The following NXPE1 variants were observed in gnomAD, a reference collection of about 807,000 sequenced individuals.
NXPE1 encodes neurexophilin and PC-esterase domain family member 1, also known as NXPE family member 1.
A neutral mutation model predicts 33.3 loss-of-function variants in NXPE1; 31 were observed. The observed-to-expected ratio is 0.93, with a 90% CI of 0.70 to 1.26. The LOEUF is 1.26. Ranked by LOEUF, NXPE1 falls within the 50% of genes most tolerant of loss-of-function variation. The pLI is 0.00. For synonymous variants in NXPE1, 229 were observed against 231.4 expected, an observed-to-expected ratio of 0.99 and a Z score of 0.09; for missense variants, 661 against 655.6, an observed-to-expected ratio of 1.01 and a Z score of -0.09.
intron 5 of NXPE1, among the ~76,000 whole-genome samples, chr11:114,532,169 A>T (rs1218257791): frequency 1.3e-5 from 2 of 152,236 alleles, no homozygotes; most frequent in Admixed American, 1.3e-4. Flanking sequence ...TGTGATTGGT[A>T]ACAAACTGGC....
At chr11:114,551,483 C>A in intron 3 of NXPE1, 42 bp from the exon 4 acceptor site, 1 of 999,826 alleles carries the variant, frequency 1.0e-6, no homozygotes. Flanking sequence ...TCTCTTAATG[C>A]CCTCTGTATT....
chr11:114,537,615 C>T (rs1048319129), intron 5 of NXPE1, among the ~76,000 whole-genome samples: 9 of 152,274 alleles, frequency 5.9e-5, no homozygotes, highest in Admixed American at 2.6e-4. Context: ...GCAAAAATCA[C>T]GAGCATTCTT....
chr11:114,552,610 C>T (rs923332102), intron 2 of NXPE1, among the ~76,000 whole-genome samples: 2 of 151,958 alleles, frequency 1.3e-5, no homozygotes, highest in African/African-American at 4.8e-5. Context: ...CAAGGGGCTA[C>T]TCTGACCCCT....
At chr11:114,557,378 C>T (rs1948675746) in intron 1 of NXPE1, among the ~76,000 whole-genome samples, 1 of 151,744 alleles carries the variant, frequency 6.6e-6, no homozygotes, top group Non-Finnish European at 1.5e-5. Context: ...AAATGAGGGA[C>T]CTTAGAAAAC....
At chr11:114,530,187 C>G in exon 6 of NXPE1, 1 of 1,604,842 alleles carries the variant, frequency 6.2e-7, no homozygotes, top group Non-Finnish European at 8.5e-7. Flanking sequence ...GTGGAAAAGG[C>G]TGTTTTCCTT....
At chr11:114,556,699 AT>A (rs914211566) in intron 1 of NXPE1, among the ~76,000 whole-genome samples, 3 of 151,480 alleles carry the variant, frequency 2.0e-5, no homozygotes, top group African/African-American at 7.3e-5. Flanking sequence ...TTTAAAATGT[AT>A]TTTTTTCCAG....
intron 5 of NXPE1, among the ~76,000 whole-genome samples, chr11:114,532,788 A>G (rs1446727720): frequency 1.3e-5 from 2 of 152,140 alleles, no homozygotes; most frequent in East Asian, 3.8e-4. Context: ...GTGTGTGTGC[A>G]TTTGTCATGG....
chr11:114,530,377 T>G (rs1947534701), exon 6 of NXPE1: 1 of 1,614,076 alleles, frequency 6.2e-7, no homozygotes, highest in Non-Finnish European at 8.5e-7. Context: ...GAGGTGCCAT[T>G]AACAAATTTG....
chr11:114,544,498 T>C (rs563837853), intron 5 of NXPE1, among the ~76,000 whole-genome samples: 1 of 152,244 alleles, frequency 6.6e-6, no homozygotes, highest in Non-Finnish European at 1.5e-5. Flanking sequence ...TTTCAGCAAA[T>C]AGTGCTGGAA....
intron 5 of NXPE1, among the ~76,000 whole-genome samples, chr11:114,531,664 A>T (rs1222334005): frequency 6.6e-6 from 1 of 152,070 alleles, no homozygotes; most frequent in African/African-American, 2.4e-5. Context: ...TGATGTCTTG[A>T]CAAGACTTCT....
In NXPE1 at chr11:114,530,408, A is replaced by G. The variant is rs1354960971; in HGVS notation, c.600T>C (p.Tyr200=). Residue 200 remains tyrosine, a synonymous_variant, in exon 6 of 9, where the codon TAT becomes TAC. Coordinates refer to ENST00000534921, the Ensembl canonical transcript of NXPE1. ...ATTTGCCTTTGAAAATAATTTTATC[A>G]TAGCCTTGGTTCCTTGCCCTCCAGA... 4 of 1,614,102 alleles carry G rather than the reference A, an allele frequency of 2.5e-6. No individual in the cohort carries two copies. In the African/African-American group the frequency reaches 4.0e-5, roughly 16 times the overall value.
rs570240387 is a variant in NXPE1, at chr11:114,535,237, A to T, written c.100-4329T>A. The stretch of plus-strand genomic sequence containing the variant: ...TTTACAGACAAGCAAATGCTGAGAG[A>T]TTTTGTCACCACCAGGCCTGCCCTA... On this transcript the variant is annotated intron_variant, in intron 5 of 8. Coordinates refer to ENST00000534921, the Ensembl canonical transcript of NXPE1. Among the ~76,000 whole-genome samples, 835 of 152,308 alleles carry T rather than the reference A, an allele frequency of 5.5e-3. 10 individuals carry two copies. Among genetic ancestry groups the T allele is most frequent in the African/African-American group, 0.018 (758 of 41,558 alleles).
At chr11:114,549,759 A>G (rs1948409644) in intron 5 of NXPE1, among the ~76,000 whole-genome samples, 1 of 152,112 alleles carries the variant, frequency 6.6e-6, no homozygotes, top group Non-Finnish European at 1.5e-5. Flanking sequence ...GCAATTCGAG[A>G]CACTGGAATT....
intron 6 of NXPE1, chr11:114,529,578 A>T (rs1947499294): frequency 6.6e-6 from 1 of 152,634 alleles, no homozygotes; most frequent in South Asian, 2.1e-4. Context: ...TGCAGGAATC[A>T]CTAGGTCACA....
downstream of NXPE1, among the ~76,000 whole-genome samples, chr11:114,521,421 G>T (rs930297769): frequency 1.3e-5 from 2 of 152,126 alleles, no homozygotes; most frequent in Admixed American, 6.6e-5. Context: ...TCTGTTCCAT[G>T]ATATGATTCC....
chr11:114,545,479 T>G (rs992769275), intron 5 of NXPE1, among the ~76,000 whole-genome samples: 3 of 152,212 alleles, frequency 2.0e-5, no homozygotes, highest in African/African-American at 7.2e-5. Flanking sequence ...GGCTATGCAC[T>G]GTATGACTGC....
intron 7 of NXPE1, 105 bp downstream of exon 7, chr11:114,527,726 TGACATCATA>T: frequency 1.6e-6 from 1 of 621,214 alleles, no homozygotes; most frequent in Non-Finnish European, 2.7e-6. Flanking sequence ...CCAGCATGAT[TGACATCATA>T]GACATCTGCT....
At chr11:114,539,823 A>G (rs1948016000) in intron 5 of NXPE1, among the ~76,000 whole-genome samples, 1 of 152,204 alleles carries the variant, frequency 6.6e-6, no homozygotes, top group African/African-American at 2.4e-5. Context: ...GAAGTTTATT[A>G]TAGGTTAATG....
chr11:114,523,864 TATACTG>T (rs534623266), intron 7 of NXPE1, among the ~76,000 whole-genome samples: 12 of 152,256 alleles, frequency 7.9e-5, no homozygotes, highest in Non-Finnish European at 1.5e-4. Flanking sequence ...TCAGGACTTC[TATACTG>T]ATACTACGTT....
Sources: allele counts gnomAD v4.1 joint callset (sites outside exome capture counted in the v4.1 genomes callset), GRCh38; gene constraint gnomAD v4.1.1; transcripts MANE v1.5; gene names NCBI Gene and HGNC (gene_info 2026-07-23, HGNC 2026-07-21).